NUP98: variants seen among roughly 807,000 people sequenced by gnomAD.
The protein encoded by NUP98 is nucleoporin 98 and 96 precursor, also known as nuclear pore complex protein Nup98-Nup96.
In NUP98, 26 loss-of-function variants were observed where a neutral mutation model predicts 191.9. The observed-to-expected ratio is 0.14, with a 90% CI of 0.10 to 0.19. The LOEUF (loss-of-function observed/expected upper bound fraction) is 0.19, where lower values mean the gene tolerates loss of function less well. NUP98 is among the 10% of genes least tolerant of loss of function. The pLI is 1.00. For missense variants in NUP98, 1,941 were observed against 2,178.8 expected (o/e 0.89, Z 2.17); for synonymous variants, 808 against 778.4 (o/e 1.04, Z -0.63).
chr11:3,731,467 C>G lies in NUP98; in HGVS notation c.1654G>C (p.Gly552Arg). ...RVRPKALQTTGTAKSHLFDGL... is the reference protein window; with the variant it reads ...RVRPKALQTTRTAKSHLFDGL... Reference sequence around the variant, plus strand: ...TCAAAGAGATGTGACTTGGCTGTGCCTGTTGTTTGTAAAGCCTTTGGCCGG... The same window carrying G: ...TCAAAGAGATGTGACTTGGCTGTGCGTGTTGTTTGTAAAGCCTTTGGCCGG... Residue 552 changes from glycine (G) to arginine (R), a missense_variant, in exon 14 of 33, where the codon GGC becomes CGC. By Grantham distance (125) the Gly-to-Arg change is moderately radical. Transcript: ENST00000324932. 2 of 1,608,086 alleles carry G rather than the reference C, an allele frequency of 1.2e-6. No individual in the cohort carries two copies. The highest frequency in any genetic ancestry group is 2.2e-5 in the South Asian group (2 of 89,444).
rs190046669 is a variant in NUP98, at chr11:3,723,015, A to G, written c.2146+142T>C. 9.0e-4 allele frequency: 634 copies of G among 705,328 alleles called. 3 individuals carry two copies. The highest frequency in any genetic ancestry group is 1.0e-3 in the South Asian group (56 of 53,702). The allele number at this position is 705,328 out of a possible 1,614,324, so 43.7% of individuals were successfully genotyped here. On this transcript the variant is annotated intron_variant, in intron 16 of 32. Transcript: ENST00000324932. ...TCAACTAAAGCATAAAACTGTTTAA[A>G]TATTAAGCTCTCCTATGTGGGATCA...
Position 3,720,830 on chromosome 11 carries a change from GACAAAAAAAAAAAAAAAA to G in NUP98, c.2147-23_2147-6del, listed in dbSNP as rs1336135334. The G allele has an allele frequency of 3.2e-6, 1 of 315,802 alleles. No homozygotes were observed. The highest frequency in any genetic ancestry group is 7.2e-5 in the African/African-American group (1 of 13,798). The allele number at this position is 315,802 out of a possible 1,614,324, so 19.6% of individuals were successfully genotyped here. ...CAACCTTAGTGAGAATAATACCTGT[GACAAAAAAAAAAAAAAAA>G]ACAGAAAAAAAAATAACCTGAAATA... On this transcript the variant is annotated splice_region_variant and splice_polypyrimidine_tract_variant and intron_variant, in intron 16 of 32. Coordinates refer to ENST00000324932, the MANE Select transcript of NUP98 (RefSeq NM_016320.5).
chr11:3,745,227 C>A (rs2080446901), intron 11 of NUP98, among the ~76,000 whole-genome samples: 1 of 152,202 alleles, frequency 6.6e-6, no homozygotes, highest in South Asian at 2.1e-4. Context: ...ACAATCATGT[C>A]ATCTTTCTTA....
At chr11:3,773,239 A>T (rs1468532658) in intron 6 of NUP98, among the ~76,000 whole-genome samples, 1 of 151,994 alleles carries the variant, frequency 6.6e-6, no homozygotes, top group East Asian at 1.9e-4. Context: ...TCACCTCTAC[A>T]AAAAAATTTT....
chr11:3,744,693 T>C, intron 11 of NUP98, 44 bp from the exon 12 acceptor site: 1 of 1,566,374 alleles, frequency 6.4e-7, no homozygotes, highest in Non-Finnish European at 8.6e-7. Flanking sequence ...AGAAGATCCT[T>C]TCAATGTTGT....
Position 3,792,079 on chromosome 11 carries a change from T to C in NUP98, c.-29+5321A>G, listed in dbSNP as rs756781983. Among the ~76,000 whole-genome samples, 207 of 140,710 alleles carry C rather than the reference T, an allele frequency of 1.5e-3. 1 individual carries two copies. The highest frequency in any genetic ancestry group is 7.9e-4 in the Non-Finnish European group (53 of 66,870). 92.3% of individuals were successfully genotyped at this position (140,710 alleles called of 152,430 possible). A position where few individuals can be genotyped will look rare whatever the true frequency, so the allele number is the denominator to read the frequency against. ...CTGTATTCCCAGCTACTCGGGAGGA[T>C]GAGGCAGGAGAATGGCGTGAACCCG... On this transcript the variant is annotated intron_variant, in intron 1 of 32. Transcript: ENST00000324932.
Position 3,758,791 on chromosome 11 carries a change from GAGAGAC to G in NUP98, c.1174+1742_1174+1747del, listed in dbSNP as rs368477387. On this transcript the variant is annotated intron_variant, in intron 10 of 32. Transcript: ENST00000324932. ...GAGGGGAGAGAGACAGAGAGAGACAGAGAGACAGAGACAGAGACAGAGAGAGACAGA... is the reference window on the plus strand; with the variant it reads ...GAGGGGAGAGAGACAGAGAGAGACAGAGAGACAGAGACAGAGAGAGACAGA... 8.5e-3 allele frequency among the ~76,000 whole-genome samples: 1,282 copies of G among 151,114 alleles called. 17 individuals are homozygous for G. Among genetic ancestry groups the G allele is most frequent in the African/African-American group, 0.027 (1,110 of 41,430 alleles).
At chr11:3,683,482 C>A (rs2134017370) in intron 29 of NUP98, 41 bp from the exon 30 acceptor site, 1 of 1,607,592 alleles carries the variant, frequency 6.2e-7, no homozygotes, top group East Asian at 2.2e-5. Flanking sequence ...CATCCTCATT[C>A]ATGGAGAAGG....
rs1429271753 is a variant in NUP98, at chr11:3,706,635, C to G, written c.2743-8G>C. The G allele has an allele frequency of 2.5e-6, 4 of 1,611,648 alleles. No homozygotes were observed. The South Asian group carries it at 4.4e-5, about 18-fold the overall frequency. On this transcript the variant is annotated splice_region_variant and splice_polypyrimidine_tract_variant and intron_variant, in intron 20 of 32. Coordinates refer to ENST00000324932, the MANE Select transcript of NUP98 (RefSeq NM_016320.5). ...CACCTCTGGGCTCTGGCTCTGTAGA[C>G]AGCAGAAAGATCAGGAAAGCAGCAT... is the stretch of plus-strand genomic sequence containing the variant.
intron 1 of NUP98, among the ~76,000 whole-genome samples, chr11:3,786,158 G>A (rs752777942): frequency 2.6e-5 from 4 of 152,134 alleles, no homozygotes; most frequent in East Asian, 1.9e-4. Context: ...TGACCCCAGC[G>A]GCCAATGCTT....
intron 17 of NUP98, among the ~76,000 whole-genome samples, chr11:3,719,882 C>T (rs527996347): frequency 2.6e-5 from 4 of 151,846 alleles, no homozygotes; most frequent in African/African-American, 7.2e-5. Context: ...ACCTCACCCT[C>T]CCAAGTAGCT....
intron 28 of NUP98, among the ~76,000 whole-genome samples, chr11:3,691,091 C>T (rs1450835441): frequency 6.6e-6 from 1 of 152,044 alleles, no homozygotes. Context: ...AGTTACAATG[C>T]GATAGTTACT....
intron 14 of NUP98, among the ~76,000 whole-genome samples, chr11:3,725,716 G>C (rs1188961034): frequency 1.3e-5 from 2 of 152,150 alleles, no homozygotes; most frequent in Non-Finnish European, 1.5e-5. Flanking sequence ...CAAAGAGAGA[G>C]AATTTTTTAA....
chr11:3,723,581 CACTTAAT>C (rs1482888158), intron 15 of NUP98, 126 bp from the exon 16 acceptor site: 8 of 702,514 alleles, frequency 1.1e-5, no homozygotes, highest in Non-Finnish European at 7.1e-6. Context: ...ATTAAAAATT[CACTTAAT>C]ACTTACTACA....
chr11:3,689,613 T>C (rs965677782), intron 28 of NUP98, among the ~76,000 whole-genome samples: 14 of 152,122 alleles, frequency 9.2e-5, no homozygotes, highest in African/African-American at 2.7e-4. Context: ...TAATATATTA[T>C]TGTTGGACAC....
chr11:3,695,396 C>A, intron 26 of NUP98, 53 bp downstream of exon 26: 1 of 1,417,880 alleles, frequency 7.1e-7, no homozygotes, highest in Non-Finnish European at 9.3e-7. Context: ...CTCAAACCAG[C>A]TTCAATTTAT....
At chr11:3,785,257 A>T (rs1228611255) in intron 1 of NUP98, among the ~76,000 whole-genome samples, 1 of 152,110 alleles carries the variant, frequency 6.6e-6, no homozygotes, top group Non-Finnish European at 1.5e-5. Context: ...TAACCAAACC[A>T]TGACTGTAAT....
chr11:3,676,186 C>A lies in NUP98; in HGVS notation c.5376G>T (p.Leu1792=), dbSNP rs2077802448. 6.2e-7 allele frequency: 1 copy of A among 1,614,012 alleles called. No homozygotes were observed. The highest frequency in any genetic ancestry group is 1.3e-5 in the African/African-American group (1 of 74,924). ...DELRSLTQSY[L]RELAVGSL is the part of the protein sequence containing the mutation. ...ACAGGCTCCCAACAGCCAGTTCTCG[C>A]AGATAGGACTGGGTAAGGCTGCGCA... Residue 1792 remains leucine, a synonymous_variant, in exon 33 of 33, where the codon CTG becomes CTT. Coordinates refer to ENST00000324932, the MANE Select transcript of NUP98 (RefSeq NM_016320.5).
intron 19 of NUP98, among the ~76,000 whole-genome samples, chr11:3,713,207 A>G (rs2079072689): frequency 6.6e-6 from 1 of 152,228 alleles, no homozygotes. Context: ...GATCCAATAG[A>G]CACCTGCCTG....
Sources: allele counts gnomAD v4.1 joint callset (sites outside exome capture counted in the v4.1 genomes callset), GRCh38; gene constraint gnomAD v4.1.1; transcripts MANE v1.5; gene names NCBI Gene and HGNC (gene_info 2026-07-23, HGNC 2026-07-21).